TPTE2: variants seen among roughly 807,000 people sequenced by gnomAD.
TPTE2 encodes transmembrane phosphoinositide 3-phosphatase and tensin homolog 2.
In TPTE2, 53 loss-of-function variants were observed where a neutral mutation model predicts 78.6. The ratio of observed to expected loss-of-function variants is 0.67; its 90% CI spans 0.54 to 0.85. TPTE2 has a LOEUF of 0.85. Among genes scored for constraint, TPTE2 ranks in the 40% least tolerant of loss-of-function variants. The pLI is 0.00. For missense variants in TPTE2, 461 were observed against 623.0 expected (o/e 0.74, Z 2.77); for synonymous variants, 175 against 206.2 (o/e 0.85, Z 1.30).
At chr13:19,525,665 G>T (rs975776228) in intron 1 of TPTE2, among the ~76,000 whole-genome samples, 2 of 152,052 alleles carry the variant, frequency 1.3e-5, no homozygotes, top group Admixed American at 1.3e-4. Context: ...GATGCCAAAA[G>T]CAATTGCAAC....
intron 4 of TPTE2, among the ~76,000 whole-genome samples, chr13:19,482,118 G>C (rs4769642): frequency 0.97 from 147,149 of 151,998 alleles, 71,207 homozygotes; most frequent in East Asian, 1. Context: ...TGCTCATAGG[G>C]AAAATCTACA....
At chr13:19,494,031 C>T (rs1020824457) in intron 1 of TPTE2, among the ~76,000 whole-genome samples, 8 of 152,192 alleles carry the variant, frequency 5.3e-5, no homozygotes, top group African/African-American at 2.4e-5. Flanking sequence ...AGGCTCTTAG[C>T]TCTGTTGCTT....
In TPTE2 at chr13:19,425,919, C is replaced by A. The variant is rs553292915; in HGVS notation, c.1395+506G>T. 1.4e-4 allele frequency: 53 copies of A among 391,264 alleles called. No homozygotes were observed. The African/African-American group carries it at 1.4e-3, about 10-fold the overall frequency. The allele number at this position is 391,264 out of a possible 1,614,324, so 24.2% of individuals were successfully genotyped here. A position where few individuals can be genotyped will look rare whatever the true frequency, so the allele number is the denominator to read the frequency against. On this transcript the variant is annotated intron_variant, in intron 18 of 19. Transcript: ENST00000400230. ...TTTCACCCAACTGAGTCACCCAAAC[C>A]TAACTCTTTCTAGTCAGTGCTCCCA...
chr13:19,523,406 A>G (rs1870305065), intron 1 of TPTE2, among the ~76,000 whole-genome samples: 1 of 152,194 alleles, frequency 6.6e-6, no homozygotes, highest in Non-Finnish European at 1.5e-5. Context: ...TTTTATGAAT[A>G]AAGGAATTTT....
Position 19,535,224 on chromosome 13 carries a change from A to AAT in TPTE2, c.-44+1370_-44+1371dup, listed in dbSNP as rs71092373. Among the ~76,000 whole-genome samples the AAT allele has an allele frequency of 4.5e-4, 61 of 134,230 alleles. No homozygotes were observed. The highest frequency in any genetic ancestry group is 1.7e-3 in the African/African-American group (58 of 33,236). 88.1% of individuals were successfully genotyped at this position (134,230 alleles called of 152,430 possible). On this transcript the variant is annotated intron_variant, in intron 1 of 17. Transcript: ENST00000390680. This position sits in a 1 kb window ranked among gnomAD's most constrained non-coding sequence, Gnocchi z 5.1. Reference sequence around the variant, plus strand: ...TCTCAAAAAAACAAACAAACAAAAAAATATATATATATATATATTCTTTAG... The same window carrying AAT: ...TCTCAAAAAAACAAACAAACAAAAAAATATATATATATATATATATTCTTTAG...
chr13:19,472,000 C>G (rs911052349), intron 6 of TPTE2, among the ~76,000 whole-genome samples: 1 of 152,148 alleles, frequency 6.6e-6, no homozygotes, highest in Non-Finnish European at 1.5e-5. Flanking sequence ...GCCACTCTCT[C>G]CTGGCCTGAA....
chr13:19,530,877 T>C (rs918132927), intron 1 of TPTE2, among the ~76,000 whole-genome samples: 11 of 152,178 alleles, frequency 7.2e-5, no homozygotes, highest in African/African-American at 4.8e-5. Flanking sequence ...ATCTTAACCA[T>C]GTTTAAGTGT....
In TPTE2 at chr13:19,432,636, CCTTTT is replaced by C; in HGVS notation, c.1117-63_1117-59del. 6 of 925,908 alleles carry C rather than the reference CCTTTT, an allele frequency of 6.5e-6. No individual in the cohort carries two copies. The South Asian group carries it at 8.0e-5, about 12-fold the overall frequency. 57.4% of individuals were successfully genotyped at this position (925,908 alleles called of 1,614,324 possible). A position where few individuals can be genotyped will look rare whatever the true frequency, so the allele number is the denominator to read the frequency against. ...AGATGAAAAGTCTAAAGTCAGCATTCCTTTTTTTTTTTTTTTTTGCATAAAGCTTG... is the reference window on the plus strand; with the variant it reads ...AGATGAAAAGTCTAAAGTCAGCATTCTTTTTTTTTTTTTGCATAAAGCTTG... On this transcript the variant is annotated intron_variant, in intron 15 of 19. Coordinates refer to ENST00000400230, the Ensembl canonical transcript of TPTE2.
chr13:19,465,152 A>G (rs1879181888), intron 9 of TPTE2, 103 bp downstream of exon 12: 1 of 1,431,578 alleles, frequency 7.0e-7, no homozygotes, highest in African/African-American at 1.4e-5. Context: ...ATTCTCAAGA[A>G]TAAAGAATAT....
At chr13:19,510,995 A>G (rs1869394573) in intron 1 of TPTE2, among the ~76,000 whole-genome samples, 1 of 152,256 alleles carries the variant, frequency 6.6e-6, no homozygotes, top group Non-Finnish European at 1.5e-5. Flanking sequence ...GTGTATGTGT[A>G]GGAACCATCA....
At chr13:19,551,186 T>G in the TPTE2 span, among the ~76,000 whole-genome samples, 1 of 152,228 alleles carries the variant, frequency 6.6e-6, no homozygotes, top group Non-Finnish European at 1.5e-5. Flanking sequence ...AAAAAGGCAT[T>G]GGTCTTTTTA....
rs376314220 is a variant in TPTE2, at chr13:19,424,924, A to G, written c.1466+23T>C. On this transcript the variant is annotated intron_variant, in intron 19 of 19. Coordinates refer to ENST00000400230, the Ensembl canonical transcript of TPTE2. ...AGACATTGAAGATTAGGCTGTTTCT[A>G]TGGGTTTCTATTATATTCATACCTG... is the stretch of plus-strand genomic sequence containing the variant. 4.2e-5 allele frequency: 58 copies of G among 1,364,742 alleles called. No individual in the cohort carries two copies. In the African/African-American group the frequency reaches 7.6e-4, roughly 18 times the overall value. 84.5% of individuals were successfully genotyped at this position (1,364,742 alleles called of 1,614,324 possible). A position where few individuals can be genotyped will look rare whatever the true frequency, so the allele number is the denominator to read the frequency against.
the TPTE2 span, among the ~76,000 whole-genome samples, chr13:19,549,949 C>T: frequency 1.1e-5 from 1 of 87,836 alleles, no homozygotes; most frequent in Non-Finnish European, 3.0e-5. Context: ...GAGCTAAACA[C>T]CAAGTACATA....
intron 16 of TPTE2, among the ~76,000 whole-genome samples, chr13:19,431,198 T>C (rs1236924462): frequency 1.3e-5 from 2 of 152,018 alleles, no homozygotes; most frequent in Admixed American, 6.6e-5. Context: ...CTTGCTAATA[T>C]GTTGCTTTCT....
chr13:19,431,826 C>T (rs1395483695), intron 16 of TPTE2, among the ~76,000 whole-genome samples: 1 of 135,312 alleles, frequency 7.4e-6, no homozygotes, highest in Admixed American at 7.5e-5. Context: ...CTCAGGTCCA[C>T]AAGCTGGCTG....
At chr13:19,445,443 G>A (rs1011975661) in intron 13 of TPTE2, among the ~76,000 whole-genome samples, 2 of 152,064 alleles carry the variant, frequency 1.3e-5, no homozygotes, top group Non-Finnish European at 2.9e-5. Context: ...AAAATACTCA[G>A]AATTGCAAGT....
intron 13 of TPTE2, among the ~76,000 whole-genome samples, chr13:19,441,700 A>G (rs1877511327): frequency 6.6e-6 from 1 of 152,184 alleles, no homozygotes; most frequent in South Asian, 2.1e-4. Context: ...CAGGAACATC[A>G]TATTAATGAC....
chr13:19,429,133 G>C (rs1876364439), intron 17 of TPTE2, among the ~76,000 whole-genome samples: 1 of 152,220 alleles, frequency 6.6e-6, no homozygotes, highest in African/African-American at 2.4e-5. Flanking sequence ...TGGGCACACA[G>C]TGTGTCTTCT....
At chr13:19,458,331 CAT>C (rs1878672146) in intron 10 of TPTE2, 1 of 269,292 alleles carries the variant, frequency 3.7e-6, no homozygotes, top group Non-Finnish European at 7.5e-6. Flanking sequence ...TCTATTATAT[CAT>C]AGGACACATA....
Sources: allele counts gnomAD v4.1 joint callset (sites outside exome capture counted in the v4.1 genomes callset), GRCh38; gene constraint gnomAD v4.1.1; non-coding constraint Gnocchi (gnomAD v3.1); transcripts MANE v1.5; gene names NCBI Gene and HGNC (gene_info 2026-07-23, HGNC 2026-07-21).